PTER: variants seen among roughly 807,000 people sequenced by gnomAD.
PTER encodes phosphotriesterase related.
PTER carries 38 observed loss-of-function variants against 29.6 expected under a neutral mutation model. That is an observed-to-expected ratio of 1.28 (90% CI 0.99 to 1.68). The LOEUF (loss-of-function observed/expected upper bound fraction) is 1.68. Among genes scored for constraint, PTER ranks in the 40% most tolerant of loss-of-function variants. The pLI is 0.00. For missense variants in PTER, 482 were observed against 427.8 expected (o/e 1.13, Z -1.12); for synonymous variants, 172 against 154.5 (o/e 1.11, Z -0.84).
chr10:16,499,028 C>G (rs1836228967), intron 3 of PTER, among the ~76,000 whole-genome samples: 1 of 152,160 alleles, frequency 6.6e-6, no homozygotes, highest in Non-Finnish European at 1.5e-5. Context: ...GTTCTTACCC[C>G]TGGAGGGGCA....
chr10:16,514,381 G>A (rs1406853540), downstream of PTER: 6 of 646,948 alleles, frequency 9.3e-6, no homozygotes, highest in Non-Finnish European at 1.6e-5. Flanking sequence ...GAGTGATACA[G>A]ATGTGAGTCA....
At chr10:16,518,754 C>A in the PTER span, among the ~76,000 whole-genome samples, 1 of 152,098 alleles carries the variant, frequency 6.6e-6, no homozygotes, top group South Asian at 2.1e-4. Flanking sequence ...TAAAAATCAT[C>A]TCTTCAGCCC....
At chr10:16,481,006 CT>C in intron 1 of PTER, among the ~76,000 whole-genome samples, 1 of 152,260 alleles carries the variant, frequency 6.6e-6, no homozygotes, top group Non-Finnish European at 1.5e-5. Context: ...TATTTTTTGT[CT>C]TTAAACCCTC....
intron 3 of PTER, among the ~76,000 whole-genome samples, chr10:16,490,347 A>C (rs1835853688): frequency 6.6e-6 from 1 of 152,128 alleles, no homozygotes; most frequent in Non-Finnish European, 1.5e-5. Flanking sequence ...GACCATCTGT[A>C]ATCTCCAAAA....
intron 3 of PTER, among the ~76,000 whole-genome samples, chr10:16,487,789 A>G (rs1331887781): frequency 6.6e-6 from 1 of 152,218 alleles, no homozygotes; most frequent in African/African-American, 2.4e-5. Flanking sequence ...TATTATAGTT[A>G]CTTCTATCTT....
At chr10:16,499,842 A>G (rs1836265914) in intron 3 of PTER, among the ~76,000 whole-genome samples, 1 of 152,104 alleles carries the variant, frequency 6.6e-6, no homozygotes, top group Non-Finnish European at 1.5e-5. Context: ...AACTGCATAT[A>G]TATGTATGTA....
At chr10:16,514,627 C>G, downstream of PTER, 1 of 1,613,750 alleles carries the variant, frequency 6.2e-7, no homozygotes, top group Non-Finnish European at 8.5e-7. Context: ...CTTCATCTCC[C>G]GGCTCCAAAT....
Position 16,459,179 on chromosome 10 carries a change from C to T in PTER, c.-49+22132C>T, listed in dbSNP as rs147624166. Among the ~76,000 whole-genome samples, 488 of 152,326 alleles carry T rather than the reference C, an allele frequency of 3.2e-3. 2 individuals are homozygous for T. Among genetic ancestry groups the T allele is most frequent in the African/African-American group, 0.011 (460 of 41,576 alleles). On this transcript the variant is annotated intron_variant, in intron 1 of 4. Coordinates refer to ENST00000535784, the MANE Select transcript of PTER (RefSeq NM_001261836.2). Reference sequence around the variant, plus strand: ...TTAAAACCCACTTAGTGATTCTTCTCACCCCTTCCAGTCGCAAGATCTATT... The same window carrying T: ...TTAAAACCCACTTAGTGATTCTTCTTACCCCTTCCAGTCGCAAGATCTATT...
intron 1 of PTER, among the ~76,000 whole-genome samples, chr10:16,477,258 CGATA>C (rs56294482): frequency 0.068 from 10,010 of 147,946 alleles, 423 homozygotes; most frequent in East Asian, 0.095. Flanking sequence ...TTCTGTCTTT[CGATA>C]GATAGATAGA....
At chr10:16,460,925 C>CA (rs1834590117) in intron 1 of PTER, among the ~76,000 whole-genome samples, 1 of 152,082 alleles carries the variant, frequency 6.6e-6, no homozygotes, top group African/African-American at 2.4e-5. Context: ...CCATGTTGGC[C>CA]AGGCTGGTCT....
downstream of PTER, among the ~76,000 whole-genome samples, chr10:16,517,707 T>G (rs1588641189): frequency 6.6e-6 from 1 of 152,326 alleles, no homozygotes. Context: ...TATGTTTCTG[T>G]GTCTGCAATA....
At chr10:16,456,629 C>G (rs1315198260) in intron 1 of PTER, among the ~76,000 whole-genome samples, 1 of 152,162 alleles carries the variant, frequency 6.6e-6, no homozygotes, top group Non-Finnish European at 1.5e-5. Context: ...GTCCCACCTT[C>G]CATTCTCTCC....
At position 16,511,178 on chromosome 10, in the gene PTER, G is replaced by A; in HGVS notation, c.972G>A (p.Met324Ile). ...TACTCACCAATGTTGTTCCTAAAATGTTGCTGAGAGGCATAACTGAGAATG... is the reference window on the plus strand; with the variant it reads ...TACTCACCAATGTTGTTCCTAAAATATTGCTGAGAGGCATAACTGAGAATG... Reference protein sequence around the residue: ...SHILTNVVPKMLLRGITENVL... With the variant: ...SHILTNVVPKILLRGITENVL... Residue 324 changes from methionine to isoleucine, a missense_variant, in exon 5 of 5, where the codon ATG becomes ATA. Coordinates refer to ENST00000535784, the MANE Select transcript of PTER (RefSeq NM_001261836.2). 2 of 1,614,132 alleles carry A rather than the reference G, an allele frequency of 1.2e-6. No individual in the cohort carries two copies. Among genetic ancestry groups the A allele is most frequent in the South Asian group, 1.1e-5 (1 of 91,082 alleles).
At position 16,447,531 on chromosome 10, in the gene PTER, C is replaced by G. The variant is rs576796943; in HGVS notation, c.-49+10484C>G. 2.6e-5 allele frequency among the ~76,000 whole-genome samples: 4 copies of G among 152,156 alleles called. No individual in the cohort carries two copies. The South Asian group carries it at 8.3e-4, about 32-fold the overall frequency. ...AACTTGGTCAAAATAGGTTTACATT[C>G]ATTATTACTATATAACATAACAATT... On this transcript the variant is annotated intron_variant, in intron 1 of 4. Coordinates refer to ENST00000535784, the MANE Select transcript of PTER (RefSeq NM_001261836.2).
chr10:16,439,338 G>C (rs1201183841), intron 1 of PTER, among the ~76,000 whole-genome samples: 1 of 152,138 alleles, frequency 6.6e-6, no homozygotes, highest in Non-Finnish European at 1.5e-5. Context: ...GCTAAAGTGA[G>C]AAGCATTTCT....
At chr10:16,495,273 C>T (rs547938985) in intron 3 of PTER, among the ~76,000 whole-genome samples, 4 of 150,872 alleles carry the variant, frequency 2.7e-5, no homozygotes, top group East Asian at 3.9e-4. Context: ...CAGGTTCAAG[C>T]GATTCTTGTG....
chr10:16,463,947 A>T (rs1322563805), intron 1 of PTER, among the ~76,000 whole-genome samples: 3 of 152,130 alleles, frequency 2.0e-5, no homozygotes, highest in Non-Finnish European at 2.9e-5. Context: ...GAACAATAAT[A>T]ATAAAAGTGG....
intron 1 of PTER, among the ~76,000 whole-genome samples, chr10:16,455,963 G>A (rs1201981716): frequency 2.6e-5 from 4 of 151,748 alleles, no homozygotes; most frequent in East Asian, 1.9e-4. Context: ...TTTGGAAACC[G>A]AGCATCTAAG....
chr10:16,479,139 C>T (rs1835387391), intron 1 of PTER, among the ~76,000 whole-genome samples: 1 of 151,912 alleles, frequency 6.6e-6, no homozygotes, highest in African/African-American at 2.4e-5. Flanking sequence ...CCTCCAACGA[C>T]AAGCTGCTCA....
Sources: allele counts gnomAD v4.1 joint callset (sites outside exome capture counted in the v4.1 genomes callset), GRCh38; gene constraint gnomAD v4.1.1; transcripts MANE v1.5; gene names NCBI Gene and HGNC (gene_info 2026-07-23, HGNC 2026-07-21).